The following CTNND2 variants were observed in gnomAD, a reference collection of about 807,000 sequenced individuals.
The protein encoded by CTNND2 is catenin delta-2.
In CTNND2, 22 loss-of-function variants were observed where a neutral mutation model predicts 144.4. The observed-to-expected ratio is 0.15, with a 90% CI of 0.11 to 0.22. The LOEUF (loss-of-function observed/expected upper bound fraction) is 0.22. Among genes scored for constraint, CTNND2 ranks in the 10% least tolerant of loss-of-function variants. The pLI is 1.00. For missense variants in CTNND2, 1,353 were observed against 1,618.8 expected, an observed-to-expected ratio of 0.84 and a Z score of 2.82; for synonymous variants, 751 against 695.6, an observed-to-expected ratio of 1.08 and a Z score of -1.25.
intron 3 of CTNND2, among the ~76,000 whole-genome samples, chr5:11,482,093 C>T (rs1156527742): frequency 2.0e-5 from 3 of 152,144 alleles, no homozygotes; most frequent in Non-Finnish European, 2.9e-5. Flanking sequence ...AACTTTCTCC[C>T]ATCATTGAAG....
At chr5:11,107,728 G>A (rs1038259508) in intron 14 of CTNND2, among the ~76,000 whole-genome samples, 2 of 152,222 alleles carry the variant, frequency 1.3e-5, no homozygotes, top group Non-Finnish European at 2.9e-5. Flanking sequence ...GACTAACAGT[G>A]AGATAAATGC....
At chr5:11,391,896 T>A (rs1054885549) in intron 6 of CTNND2, among the ~76,000 whole-genome samples, 3 of 152,178 alleles carry the variant, frequency 2.0e-5, no homozygotes, top group African/African-American at 7.2e-5. Context: ...AAACTGAACT[T>A]AAGTAACGGA....
intron 9 of CTNND2, among the ~76,000 whole-genome samples, chr5:11,285,167 A>G (rs1747598360): frequency 6.6e-6 from 1 of 152,200 alleles, no homozygotes; most frequent in South Asian, 2.1e-4. Context: ...CTGCTGCCCC[A>G]GCAAGAATCC....
At chr5:11,353,066 T>G (rs1171230474) in intron 8 of CTNND2, among the ~76,000 whole-genome samples, 1 of 150,360 alleles carries the variant, frequency 6.7e-6, no homozygotes, top group Admixed American at 6.6e-5. Context: ...CACAGTCTTT[T>G]TTTTTTTTTT....
intron 1 of CTNND2, among the ~76,000 whole-genome samples, chr5:11,872,020 C>T (rs1170113550): frequency 1.3e-5 from 2 of 152,088 alleles, no homozygotes; most frequent in African/African-American, 2.4e-5. Flanking sequence ...TCTCCTAATG[C>T]TATCCCTCCC....
At chr5:10,997,009 G>T (rs1208450407) in intron 18 of CTNND2, among the ~76,000 whole-genome samples, 1 of 152,122 alleles carries the variant, frequency 6.6e-6, no homozygotes, top group Non-Finnish European at 1.5e-5. Context: ...TGATCGAGGG[G>T]TCCAAGTAAT....
In CTNND2 at chr5:11,651,108, G is replaced by C. The variant is rs564032470; in HGVS notation, c.174+81028C>G. Among the ~76,000 whole-genome samples, 8 of 152,294 alleles carry C rather than the reference G, an allele frequency of 5.3e-5. No homozygotes were observed. The South Asian group carries it at 1.7e-3, about 32-fold the overall frequency. On this transcript the variant is annotated intron_variant, in intron 2 of 21. Transcript: ENST00000304623. ...AGCCCATCCCATTACAGGCCTGGAGGCATAGGCAGGAATAATGGTTTTAAG... is the reference window on the plus strand; with the variant it reads ...AGCCCATCCCATTACAGGCCTGGAGCCATAGGCAGGAATAATGGTTTTAAG...
chr5:11,610,952 A>G (rs558761928), intron 2 of CTNND2, among the ~76,000 whole-genome samples: 2 of 152,356 alleles, frequency 1.3e-5, no homozygotes, highest in South Asian at 2.1e-4. Context: ...GATAAAATCT[A>G]AAGTCTAAGT....
intron 16 of CTNND2, among the ~76,000 whole-genome samples, chr5:11,060,439 A>C (rs1445545850): frequency 6.6e-6 from 1 of 152,140 alleles, no homozygotes; most frequent in East Asian, 1.9e-4. Context: ...GACAGATAAA[A>C]ATTTCAGGAG....
chr5:11,825,825 G>C (rs1484367467), intron 1 of CTNND2, among the ~76,000 whole-genome samples: 2 of 151,972 alleles, frequency 1.3e-5, no homozygotes, highest in Non-Finnish European at 2.9e-5. Context: ...AAATAACAAC[G>C]ATGCAACACT....
At chr5:11,236,857 G>T in intron 9 of CTNND2, 34 bp from the exon 10 acceptor site, 1 of 1,612,806 alleles carries the variant, frequency 6.2e-7, no homozygotes, top group Non-Finnish European at 8.5e-7. Context: ...GAGAATATGA[G>T]AGAGAAATCC....
At chr5:11,747,927 C>T (rs1033025339) in intron 1 of CTNND2, among the ~76,000 whole-genome samples, 3 of 152,070 alleles carry the variant, frequency 2.0e-5, no homozygotes, top group African/African-American at 7.2e-5. Flanking sequence ...ATGTATCTGC[C>T]ACTTCACAAT....
At position 11,017,992 on chromosome 5, in the gene CTNND2, C is replaced by G. The variant is rs1215271878; in HGVS notation, c.3066G>C (p.Leu1022=). The G allele has an allele frequency of 6.2e-7, 1 of 1,613,266 alleles. No homozygotes were observed. Among genetic ancestry groups the G allele is most frequent in the Non-Finnish European group, 8.5e-7 (1 of 1,179,484 alleles). ...VLNSMWQYRD[L]RSLYKKDGWS... ...GCCTTACCTTTTTGTAGAGACTCCTCAGATCTCGGTACTGCCACATGCTGT... is the reference window on the plus strand; with the variant it reads ...GCCTTACCTTTTTGTAGAGACTCCTGAGATCTCGGTACTGCCACATGCTGT... Residue 1022 remains leucine (L), a synonymous_variant, in exon 18 of 22, where the codon CTG becomes CTC. Transcript: ENST00000304623.
At chr5:11,451,188 T>C (rs1473246754) in intron 3 of CTNND2, among the ~76,000 whole-genome samples, 2 of 152,118 alleles carry the variant, frequency 1.3e-5, no homozygotes, top group Non-Finnish European at 2.9e-5. Context: ...TGTGTATTGT[T>C]GGTGTATGTG....
At chr5:11,779,813 T>C (rs1254078993) in intron 1 of CTNND2, among the ~76,000 whole-genome samples, 1 of 152,228 alleles carries the variant, frequency 6.6e-6, no homozygotes, top group Non-Finnish European at 1.5e-5. Context: ...GCAATTTTAG[T>C]CACTGAAACA....
intron 18 of CTNND2, among the ~76,000 whole-genome samples, chr5:11,003,425 G>C (rs540403536): frequency 8.5e-5 from 13 of 152,212 alleles, no homozygotes; most frequent in African/African-American, 3.1e-4. Context: ...GTTCAAAATT[G>C]TACCAGTTTT....
At chr5:11,216,201 C>A (rs1007304245) in intron 10 of CTNND2, among the ~76,000 whole-genome samples, 3 of 152,172 alleles carry the variant, frequency 2.0e-5, no homozygotes, top group African/African-American at 7.2e-5. Flanking sequence ...CTCTAATACA[C>A]GGTGGTAGGC....
chr5:11,234,580 G>T (rs924739005), intron 10 of CTNND2, among the ~76,000 whole-genome samples: 1 of 152,194 alleles, frequency 6.6e-6, no homozygotes, highest in African/African-American at 2.4e-5. Flanking sequence ...TGCACTGGGG[G>T]TCATTCTGAT....
chr5:11,114,968 C>CA (rs11480408), intron 13 of CTNND2, among the ~76,000 whole-genome samples: 21,719 of 152,126 alleles, frequency 0.14, 2,458 homozygotes, highest in East Asian at 0.45. Context: ...ATCCTTTCAA[C>CA]AGCCTTGGCA....
Sources: gnomAD v4.1 joint callset for allele counts (sites outside exome capture counted in the v4.1 genomes callset) on GRCh38, gnomAD v4.1.1 for gene constraint, MANE v1.5 for transcripts, NCBI Gene and HGNC (gene_info 2026-07-23, HGNC 2026-07-21) for gene names.